Variants in FAM184A observed in about 807,000 individuals in gnomAD.
FAM184A encodes the protein protein FAM184A.
Under a neutral mutation model 143.8 loss-of-function variants are expected in FAM184A, and 99 were observed. The ratio of observed to expected loss-of-function variants is 0.69; its 90% CI spans 0.58 to 0.81. The LOEUF is 0.81. Ranked by LOEUF, FAM184A falls within the 40% of genes least tolerant of loss-of-function variation. The probability of loss-of-function intolerance (pLI) is 0.00; values close to 1 mark genes in which losing one functional copy is unlikely to be tolerated. For missense variants in FAM184A, 1,217 were observed against 1,310.5 expected, an observed-to-expected ratio of 0.93 and a Z score of 1.10; for synonymous variants, 427 against 446.4, an observed-to-expected ratio of 0.96 and a Z score of 0.55.
intron 1 of FAM184A, among the ~76,000 whole-genome samples, chr6:119,037,671 A>G (rs964711617): frequency 6.6e-6 from 1 of 152,260 alleles, no homozygotes; most frequent in Non-Finnish European, 1.5e-5. Flanking sequence ...TTGTGGTAGT[A>G]TAACTTAATT....
chr6:118,964,794 T>C, intron 15 of FAM184A, 23 bp from the exon 16 acceptor site: 1 of 1,234,822 alleles, frequency 8.1e-7, no homozygotes, highest in African/African-American at 1.5e-5. Context: ...ATTATAAACA[T>C]CTTTTAAATA....
intron 1 of FAM184A, among the ~76,000 whole-genome samples, chr6:119,026,871 C>T (rs993745392): frequency 2.0e-5 from 3 of 152,130 alleles, no homozygotes; most frequent in African/African-American, 7.2e-5. Flanking sequence ...AAAGCTGCCT[C>T]CTGTAAAGTA....
chr6:119,016,994 G>T, intron 4 of FAM184A, 50 bp from the exon 5 acceptor site: 2 of 1,274,406 alleles, frequency 1.6e-6, no homozygotes, highest in Non-Finnish European at 2.2e-6. Flanking sequence ...TTTCATTACT[G>T]TTATTAGGGT....
chr6:119,122,821 A>T lies in FAM184A; in HGVS notation c.-202+26257T>A, dbSNP rs1056773610. ...TCTACTCGGGTCCCAGCTACTCGGG[A>T]GGCTGAGGTGGGAGGACTGCTTGAA... is the stretch of plus-strand genomic sequence containing the variant. On this transcript the variant is annotated intron_variant, in intron 1 of 16. Transcript: ENST00000352896. Among the ~76,000 whole-genome samples, 5 of 150,206 alleles carry T rather than the reference A, an allele frequency of 3.3e-5. No homozygotes were observed. The Admixed American group carries it at 3.4e-4, about 10-fold the overall frequency.
At chr6:118,974,597 A>T (rs1783792951) in intron 13 of FAM184A, 23 bp from the exon 14 acceptor site, 3 of 1,568,608 alleles carry the variant, frequency 1.9e-6, no homozygotes, top group Non-Finnish European at 2.6e-6. Context: ...TTTTTAGTTA[A>T]GAAAATGTTA....
intron 1 of FAM184A, among the ~76,000 whole-genome samples, chr6:119,056,334 T>C (rs9374777): frequency 0.44 from 66,744 of 152,008 alleles, 15,991 homozygotes; most frequent in East Asian, 0.75. Context: ...AAGAAGAAGA[T>C]TAATTAGATT....
intron 16 of FAM184A, chr6:118,962,444 G>A (rs563357751): frequency 1.8e-4 from 28 of 154,522 alleles, no homozygotes; most frequent in African/African-American, 5.1e-4. Context: ...AAAAAAAAAA[G>A]GAATGAGAAA....
At chr6:119,034,019 A>AAAAAAAAAT (rs1562482530) in intron 1 of FAM184A, among the ~76,000 whole-genome samples, 1 of 63,526 alleles carries the variant, frequency 1.6e-5, no homozygotes, top group African/African-American at 6.5e-5. Context: ...AAAAAAAAAA[A>AAAAAAAAAT]ATATATATAT....
Position 119,024,229 on chromosome 6 carries a change from A to T in FAM184A, c.744T>A (p.Tyr248Ter). Residue 248 changes from tyrosine (Y) to a stop codon, truncating the protein, a stop_gained, in exon 2 of 18, where the codon TAT (tyrosine) becomes TAA (stop). Coordinates refer to ENST00000338891, the MANE Select transcript of FAM184A (RefSeq NM_024581.6). LOFTEE classifies it high-confidence loss of function. ...ACTGAGCTTTATTCAACTTGCCTTC[A>T]TAATCCTCAATTAGTTTCTTCCGTT... ...RLERKKLIED[Y>*]EGKLNKAQSF... The T allele has an allele frequency of 6.2e-7, 1 of 1,614,178 alleles. No individual in the cohort carries two copies. The highest frequency in any genetic ancestry group is 8.5e-7 in the Non-Finnish European group (1 of 1,180,042).
At chr6:119,117,738 T>C (rs1053227661) in intron 1 of FAM184A, among the ~76,000 whole-genome samples, 1 of 152,198 alleles carries the variant, frequency 6.6e-6, no homozygotes, top group African/African-American at 2.4e-5. Flanking sequence ...CTAGTTCACA[T>C]GGTTAGAAAT....
At chr6:118,988,226 G>A (rs939885519) in intron 9 of FAM184A, among the ~76,000 whole-genome samples, 1 of 152,196 alleles carries the variant, frequency 6.6e-6, no homozygotes, top group African/African-American at 2.4e-5. Context: ...TAATTATAAT[G>A]TGCTCAAGAG....
chr6:119,083,400 G>T (rs924561320), upstream of FAM184A, among the ~76,000 whole-genome samples: 1 of 152,280 alleles, frequency 6.6e-6, no homozygotes, highest in East Asian at 1.9e-4. Flanking sequence ...TCTACCACAG[G>T]ATCAGGCTGC....
rs1370297660 is a variant in FAM184A at position 119,019,960 on chromosome 6, G to A, written c.1332+18C>T. 3 of 1,504,346 alleles carry A rather than the reference G, an allele frequency of 2.0e-6. No individual in the cohort carries two copies. Among genetic ancestry groups the A allele is most frequent in the Admixed American group, 2.4e-5 (1 of 41,902 alleles). The allele number at this position is 1,504,346 out of a possible 1,614,324, so 93.2% of individuals were successfully genotyped here. A position where few individuals can be genotyped will look rare whatever the true frequency, so the allele number is the denominator to read the frequency against. On this transcript the variant is annotated intron_variant, in intron 4 of 17. Transcript: ENST00000338891. Reference sequence around the variant, plus strand: ...ACGGAACTCTTTCGGGGGGAATGGAGTGTCCATTACTTTTTACCTTCTCCA... The same window carrying A: ...ACGGAACTCTTTCGGGGGGAATGGAATGTCCATTACTTTTTACCTTCTCCA...
At chr6:118,994,511 C>G (rs904613804) in intron 9 of FAM184A, among the ~76,000 whole-genome samples, 5 of 151,364 alleles carry the variant, frequency 3.3e-5, no homozygotes, top group Non-Finnish European at 5.9e-5. Context: ...ATGGTGAAAC[C>G]CTGTCTCTAC....
rs534283612 is a variant in FAM184A at position 119,133,559 on chromosome 6, C to T, written c.-202+15519G>A. Among the ~76,000 whole-genome samples, 41 of 152,124 alleles carry T rather than the reference C, an allele frequency of 2.7e-4. No homozygotes were observed. The South Asian group carries it at 7.1e-3, about 26-fold the overall frequency. ...AGCTCTTTGTAGTTGGCCTGACTTG[C>T]GGTAAGTTGGGCCTTTGTACCTCAT... On this transcript the variant is annotated intron_variant, in intron 1 of 16. Transcript: ENST00000352896.
intron 1 of FAM184A, among the ~76,000 whole-genome samples, chr6:119,102,373 G>A (rs971463014): frequency 9.2e-5 from 14 of 152,156 alleles, no homozygotes; most frequent in South Asian, 2.1e-4. Flanking sequence ...AAGGAGGCCT[G>A]TGCTTAAAAT....
intron 14 of FAM184A, among the ~76,000 whole-genome samples, chr6:118,972,150 G>A (rs1420113407): frequency 1.3e-5 from 2 of 152,160 alleles, no homozygotes; most frequent in African/African-American, 4.8e-5. Context: ...CAAGCAGGCT[G>A]CATTTAAGGA....
chr6:119,060,693 T>G (rs1291354323), intron 1 of FAM184A, among the ~76,000 whole-genome samples: 1 of 152,128 alleles, frequency 6.6e-6, no homozygotes, highest in Non-Finnish European at 1.5e-5. Flanking sequence ...GAGGGTGGTT[T>G]CTAATGGTTT....
chr6:119,084,786 C>A (rs777675798), intron 1 of FAM184A, among the ~76,000 whole-genome samples: 3 of 152,230 alleles, frequency 2.0e-5, no homozygotes, highest in African/African-American at 4.8e-5. Context: ...CCTCTGAAAT[C>A]TAGGCAGTGG....
Sources: allele counts gnomAD v4.1 joint callset (sites outside exome capture counted in the v4.1 genomes callset), GRCh38; gene constraint gnomAD v4.1.1; transcripts MANE v1.5; gene names NCBI Gene and HGNC (gene_info 2026-07-23, HGNC 2026-07-21).